PLA2G5: variants seen among roughly 807,000 people sequenced by gnomAD.
The protein encoded by PLA2G5 is Ca2+-dependent phospholipase A2.
PLA2G5 carries 12 observed loss-of-function variants against 15.9 expected under a neutral mutation model. The observed-to-expected ratio is 0.76, with a 90% CI of 0.48 to 1.23. The LOEUF (loss-of-function observed/expected upper bound fraction) is 1.23. PLA2G5 is among the 50% of genes most tolerant of loss of function. The probability of loss-of-function intolerance (pLI) is 0.00; values close to 1 mark genes in which losing one functional copy is unlikely to be tolerated. For synonymous variants in PLA2G5, 71 were observed against 71.4 expected (o/e 0.99, Z 0.03); for missense variants, 169 against 177.1 (o/e 0.95, Z 0.26).
intron 1 of PLA2G5, among the ~76,000 whole-genome samples, chr1:20,072,993 G>A (rs1307873763): frequency 6.6e-6 from 1 of 152,166 alleles, no homozygotes; most frequent in Non-Finnish European, 1.5e-5. Context: ...AGATTTGCTG[G>A]GTTGGATTGG....
Position 20,090,468 on chromosome 1 carries a change from T to C in PLA2G5, c.293-100T>C, listed in dbSNP as rs894249546. The C allele has an allele frequency of 4.1e-6, 5 of 1,209,792 alleles. No homozygotes were observed. The African/African-American group carries it at 7.5e-5, about 18-fold the overall frequency. The allele number at this position is 1,209,792 out of a possible 1,614,324, so 74.9% of individuals were successfully genotyped here. A position where few individuals can be genotyped will look rare whatever the true frequency, so the allele number is the denominator to read the frequency against. On this transcript the variant is annotated intron_variant, in intron 4 of 4. Coordinates refer to ENST00000375108, the MANE Select transcript of PLA2G5 (RefSeq NM_000929.3). ...CGATTTAGGAGCCATGCCTCTTCCA[T>C]CAGGCTGAAAGCTCCTCGGAGCAGG...
intron 1 of PLA2G5, among the ~76,000 whole-genome samples, chr1:20,046,792 T>G (rs2013928323): frequency 1.3e-5 from 2 of 152,172 alleles, no homozygotes; most frequent in African/African-American, 4.8e-5. Flanking sequence ...TGAGTACAGT[T>G]TACAGAAAGT....
upstream of PLA2G5, among the ~76,000 whole-genome samples, chr1:20,067,980 A>G (rs989570721): frequency 6.6e-6 from 1 of 151,884 alleles, no homozygotes; most frequent in Non-Finnish European, 1.5e-5. Flanking sequence ...TTAGCCAGGC[A>G]TGGTGACAGG....
intron 1 of PLA2G5, among the ~76,000 whole-genome samples, chr1:20,044,792 C>A (rs1394911592): frequency 6.6e-6 from 1 of 151,712 alleles, no homozygotes; most frequent in African/African-American, 2.4e-5. Context: ...TTCAGCCTGG[C>A]AGGGTGCGAT....
upstream of PLA2G5, among the ~76,000 whole-genome samples, chr1:20,066,832 C>A (rs747943075): frequency 8.5e-5 from 13 of 152,100 alleles, no homozygotes; most frequent in Non-Finnish European, 1.6e-4. Flanking sequence ...CATAGCAAGA[C>A]CTCATCTCTA....
At chr1:20,049,713 G>T (rs1014784421) in intron 1 of PLA2G5, among the ~76,000 whole-genome samples, 1 of 152,158 alleles carries the variant, frequency 6.6e-6, no homozygotes, top group Non-Finnish European at 1.5e-5. Flanking sequence ...GGCCTCCCCA[G>T]CCATATGGAA....
intron 2 of PLA2G5, among the ~76,000 whole-genome samples, chr1:20,085,452 A>C (rs1412287622): frequency 6.6e-6 from 1 of 152,180 alleles, no homozygotes; most frequent in Non-Finnish European, 1.5e-5. Flanking sequence ...CCTTGGGCTC[A>C]CTGTGAAACC....
intron 1 of PLA2G5, among the ~76,000 whole-genome samples, chr1:20,082,215 T>A (rs938096966): frequency 6.6e-6 from 1 of 151,808 alleles, no homozygotes; most frequent in Non-Finnish European, 1.5e-5. Flanking sequence ...CTGTTTGACC[T>A]TTGACTTGGG....
intron 1 of PLA2G5, among the ~76,000 whole-genome samples, chr1:20,034,761 G>C (rs1252686322): frequency 1.3e-5 from 2 of 152,150 alleles, no homozygotes; most frequent in African/African-American, 4.8e-5. Flanking sequence ...AAAGTAACAA[G>C]GTAGATAGTG....
chr1:20,080,715 G>T (rs1421928587), intron 1 of PLA2G5, among the ~76,000 whole-genome samples: 1 of 151,976 alleles, frequency 6.6e-6, no homozygotes, highest in Non-Finnish European at 1.5e-5. Context: ...ATGCAGGGGT[G>T]TGGGAGGTGA....
chr1:20,044,222 G>C (rs1268918873), intron 1 of PLA2G5, among the ~76,000 whole-genome samples: 1 of 152,184 alleles, frequency 6.6e-6, no homozygotes, highest in Non-Finnish European at 1.5e-5. Context: ...GTGGCTTAGG[G>C]ATTTTGAAGT....
intron 2 of PLA2G5, among the ~76,000 whole-genome samples, chr1:20,060,841 C>T (rs553010392): frequency 9.9e-5 from 15 of 150,870 alleles, no homozygotes; most frequent in African/African-American, 3.7e-4. Flanking sequence ...CCTCAGACCC[C>T]TGAGTAGCTG....
chr1:20,047,866 C>T (rs1467946274), intron 1 of PLA2G5, among the ~76,000 whole-genome samples: 9 of 151,838 alleles, frequency 5.9e-5, no homozygotes, highest in Admixed American at 5.9e-4. Context: ...CTCTCTGTAC[C>T]TAATGATGTA....
intron 1 of PLA2G5, among the ~76,000 whole-genome samples, chr1:20,072,213 A>C (rs11573204): frequency 0.015 from 2,263 of 152,118 alleles, 51 homozygotes; most frequent in African/African-American, 0.052. Context: ...ATTTTTCTCC[A>C]TTTCATCGAT....
At chr1:20,057,203 A>G (rs2014477483) in intron 1 of PLA2G5, among the ~76,000 whole-genome samples, 1 of 151,676 alleles carries the variant, frequency 6.6e-6, no homozygotes, top group Non-Finnish European at 1.5e-5. Flanking sequence ...CCTATTTTCA[A>G]TTTCATTGAT....
intron 1 of PLA2G5, among the ~76,000 whole-genome samples, chr1:20,042,341 G>A (rs1027627615): frequency 1.3e-5 from 2 of 152,166 alleles, no homozygotes; most frequent in Non-Finnish European, 2.9e-5. Context: ...GGGAAATGGA[G>A]TGAATGTCAG....
chr1:20,070,483 G>A lies in PLA2G5; in HGVS notation c.-11+18G>A. On this transcript the variant is annotated intron_variant, in intron 1 of 4. Transcript: ENST00000375108. Reference sequence around the variant, plus strand: ...CCAAAGAGGTTAGTTACTGATGGGGGCTGCATAAATTGGGGGTTGTGGAGG... The same window carrying A: ...CCAAAGAGGTTAGTTACTGATGGGGACTGCATAAATTGGGGGTTGTGGAGG... 2.0e-6 allele frequency: 2 copies of A among 985,284 alleles called. No homozygotes were observed. Among genetic ancestry groups the A allele is most frequent in the Non-Finnish European group, 2.4e-6 (2 of 829,928 alleles). The allele number at this position is 985,284 out of a possible 1,614,324, so 61.0% of individuals were successfully genotyped here. A position where few individuals can be genotyped will look rare whatever the true frequency, so the allele number is the denominator to read the frequency against.
At chr1:20,060,367 CCT>C (rs1553173674) in intron 2 of PLA2G5, among the ~76,000 whole-genome samples, 1 of 148,842 alleles carries the variant, frequency 6.7e-6, no homozygotes, top group Non-Finnish European at 1.5e-5. Context: ...GATTCTCCTG[CCT>C]CAGCCTCCCA....
At chr1:20,041,501 G>T (rs181596713) in intron 1 of PLA2G5, among the ~76,000 whole-genome samples, 2 of 152,266 alleles carry the variant, frequency 1.3e-5, no homozygotes, top group Admixed American at 1.3e-4. Context: ...CCAATCCTGG[G>T]CAGGGGCAAA....
Sources: gnomAD v4.1 joint callset for allele counts (sites outside exome capture counted in the v4.1 genomes callset) on GRCh38, gnomAD v4.1.1 for gene constraint, MANE v1.5 for transcripts, NCBI Gene and HGNC (gene_info 2026-07-23, HGNC 2026-07-21) for gene names.